The following COL14A1 variants were observed in gnomAD, a reference collection of about 807,000 sequenced individuals.
COL14A1 encodes the protein collagen type XIV alpha 1 chain.
COL14A1 carries 136 observed loss-of-function variants against 230.3 expected under a neutral mutation model. The observed-to-expected ratio is 0.59, with a 90% CI of 0.51 to 0.68. The LOEUF is 0.68. Ranked by LOEUF, COL14A1 falls within the 30% of genes least tolerant of loss-of-function variation. COL14A1 has a pLI of 0.00. For missense variants in COL14A1, 1,976 were observed against 2,215.8 expected (o/e 0.89, Z 2.17); for synonymous variants, 792 against 784.1 (o/e 1.01, Z -0.17).
chr8:120,196,965 G>C lies in COL14A1; in HGVS notation c.592+19G>C, dbSNP rs768936494. Reference sequence around the variant, plus strand: ...CGAATTGGTATAATTTCTATTATTAGCAGTAGCAGTCAGTTGTCAGTGCAA... The same window carrying C: ...CGAATTGGTATAATTTCTATTATTACCAGTAGCAGTCAGTTGTCAGTGCAA... On this transcript the variant is annotated intron_variant, in intron 6 of 47. Transcript: ENST00000297848. 4 of 1,611,552 alleles carry C rather than the reference G, an allele frequency of 2.5e-6. No homozygotes were observed. The East Asian group carries it at 8.9e-5, about 36-fold the overall frequency.
In COL14A1 at chr8:120,278,496, C is replaced by A. The variant is rs370948692; in HGVS notation, c.3399C>A (p.Gly1133=). The A allele has an allele frequency of 2.5e-6, 4 of 1,612,950 alleles. No individual in the cohort carries two copies. Among genetic ancestry groups the A allele is most frequent in the Non-Finnish European group, 3.4e-6 (4 of 1,179,480 alleles). The stretch of plus-strand genomic sequence containing the variant: ...CTGCAGAGTCAGGTACAAGAAGGGG[C>A]ATCCCAAAGGTTATCGTGGTTATAA... ...LFTAESGTRR[G]IPKVIVVITD... Residue 1133 remains glycine (G), a synonymous_variant, in exon 28 of 48, where the codon GGC becomes GGA. Coordinates refer to ENST00000297848, the MANE Select transcript of COL14A1 (RefSeq NM_021110.4).
chr8:120,205,266 C>A lies in COL14A1; in HGVS notation c.1039+1396C>A, dbSNP rs970973732. Among the ~76,000 whole-genome samples the A allele has an allele frequency of 3.3e-5, 5 of 152,130 alleles. 1 individual carries two copies. Among genetic ancestry groups the A allele is most frequent in the Admixed American group, 6.6e-5 (1 of 15,262 alleles). On this transcript the variant is annotated intron_variant, in intron 9 of 47. Transcript: ENST00000297848. The stretch of plus-strand genomic sequence containing the variant: ...GTTGGTGTTTCTAGGTTGCCAGATA[C>A]TTTAGCTCCATGTCTGGGATATATG...
intron 8 of COL14A1, among the ~76,000 whole-genome samples, chr8:120,201,555 G>A (rs72675794): frequency 0.26 from 39,183 of 152,006 alleles, 5,462 homozygotes; most frequent in East Asian, 0.46. Flanking sequence ...TTAACCATAC[G>A]GTAGCTTCAC....
At position 120,209,884 on chromosome 8, in the gene COL14A1, G is replaced by T. The variant is rs1214845927; in HGVS notation, c.1450G>T (p.Ala484Ser). 4 of 1,605,488 alleles carry T rather than the reference G, an allele frequency of 2.5e-6. No homozygotes were observed. The South Asian group carries it at 4.5e-5, about 18-fold the overall frequency. Reference protein sequence around the residue: ...ILYAPLTEGLAGDEKEMKIGE... With the variant: ...ILYAPLTEGLSGDEKEMKIGE... Reference sequence around the variant, plus strand: ...TTATGCTCCTCTAACAGAGGGCCTGGCTGGGGATGAAAAAGAGGTAACCAC... The same window carrying T: ...TTATGCTCCTCTAACAGAGGGCCTGTCTGGGGATGAAAAAGAGGTAACCAC... The change falls in exon 12 of 48, where the codon GCT becomes TCT. Residue 484 changes from alanine (A) to serine (S), a missense_variant. This residue lies in a region of COL14A1 where 1,791 missense variants were observed against 2,019.5 expected (regional missense o/e 0.89). Transcript: ENST00000297848.
chr8:120,330,174 G>A lies in COL14A1; in HGVS notation c.4660-1967G>A, dbSNP rs539653367. On this transcript the variant is annotated intron_variant, in intron 40 of 47. Transcript: ENST00000297848. Reference sequence around the variant, plus strand: ...AGGGTGCAAAACAGCTAAGCAATGTGCCTAGGCAGGAAAGGAAAACCACAA... The same window carrying A: ...AGGGTGCAAAACAGCTAAGCAATGTACCTAGGCAGGAAAGGAAAACCACAA... 8.5e-4 allele frequency among the ~76,000 whole-genome samples: 129 copies of A among 152,278 alleles called. 1 individual carries two copies. The highest frequency in any genetic ancestry group is 2.8e-3 in the African/African-American group (117 of 41,564).
At position 120,196,951 on chromosome 8, in the gene COL14A1, A is replaced by G; in HGVS notation, c.592+5A>G. The G allele has an allele frequency of 1.2e-6, 2 of 1,613,304 alleles. No individual in the cohort carries two copies. On this transcript the variant is annotated splice_donor_5th_base_variant and intron_variant, in intron 6 of 47. Transcript: ENST00000297848. ...GCTCAGAGAAGACACGAATTGGTAT[A>G]ATTTCTATTATTAGCAGTAGCAGTC...
chr8:120,283,614 A>T, intron 31 of COL14A1, 22 bp from the exon 32 acceptor site: 1 of 1,576,156 alleles, frequency 6.3e-7, no homozygotes, highest in Non-Finnish European at 8.6e-7. Flanking sequence ...ACAATGAAAC[A>T]TGGTTTTCTT....
At chr8:120,180,057 A>G (rs1032779326) in intron 5 of COL14A1, among the ~76,000 whole-genome samples, 2 of 152,182 alleles carry the variant, frequency 1.3e-5, no homozygotes. Context: ...AAGATGGGTT[A>G]AAGACTTAAA....
intron 45 of COL14A1, among the ~76,000 whole-genome samples, chr8:120,356,735 A>C (rs1823002017): frequency 6.6e-6 from 1 of 152,106 alleles, no homozygotes; most frequent in East Asian, 1.9e-4. Flanking sequence ...CTCAAAAAAA[A>C]AAAAATCTGC....
At chr8:120,302,555 T>A (rs1371080303) in intron 36 of COL14A1, among the ~76,000 whole-genome samples, 2 of 152,158 alleles carry the variant, frequency 1.3e-5, no homozygotes, top group Non-Finnish European at 2.9e-5. Context: ...GTCATAGGTA[T>A]GTTGTCTTTT....
intron 2 of COL14A1, among the ~76,000 whole-genome samples, chr8:120,154,702 AAG>A (rs1815403758): frequency 6.6e-6 from 1 of 152,130 alleles, no homozygotes; most frequent in African/African-American, 2.4e-5. Context: ...TCTTTTTTAA[AAG>A]ATTAGGATTT....
chr8:120,277,968 C>T (rs1396322524), intron 26 of COL14A1, 143 bp from the exon 27 acceptor site: 2 of 730,220 alleles, frequency 2.7e-6, no homozygotes, highest in Non-Finnish European at 4.1e-6. Context: ...TGGTATGTAA[C>T]TTGTATGAAA....
chr8:120,189,629 C>G (rs192690499), intron 5 of COL14A1, among the ~76,000 whole-genome samples: 173 of 111,242 alleles, frequency 1.6e-3, no homozygotes, highest in African/African-American at 5.7e-3. Flanking sequence ...AGCTATCCCT[C>G]CCCCCTCCCC....
chr8:120,136,842 G>A (rs1368439654), intron 1 of COL14A1, among the ~76,000 whole-genome samples: 7 of 151,610 alleles, frequency 4.6e-5, no homozygotes, highest in African/African-American at 1.7e-4. Context: ...GCATGCGCCT[G>A]TAGTCCCAGC....
rs757062976 is a variant in COL14A1 at position 120,228,694 on chromosome 8, A to C, written c.2138-16A>C. 1 of 1,605,942 alleles carries C rather than the reference A, an allele frequency of 6.2e-7. No individual in the cohort carries two copies. Among genetic ancestry groups the C allele is most frequent in the African/African-American group, 1.3e-5 (1 of 74,860 alleles). On this transcript the variant is annotated splice_polypyrimidine_tract_variant and intron_variant, in intron 17 of 47. Coordinates refer to ENST00000297848, the MANE Select transcript of COL14A1 (RefSeq NM_021110.4). ...AGTTGTTTTTGCAGCATTTTAAAGT[A>C]ATATATTGCTTTTAGTTGACAGTTT... is the stretch of plus-strand genomic sequence containing the variant.
At chr8:120,203,990 A>G in intron 9 of COL14A1, 120 bp downstream of exon 9, 1 of 941,354 alleles carries the variant, frequency 1.1e-6, no homozygotes, top group Non-Finnish European at 1.5e-6. Context: ...TTATTCCCCT[A>G]AGACCTGAGC....
chr8:120,161,538 G>T lies in COL14A1; in HGVS notation c.206-888G>T, dbSNP rs75366077. Among the ~76,000 whole-genome samples the T allele has an allele frequency of 3.0e-3, 450 of 152,298 alleles. 6 individuals carry two copies. The highest frequency in any genetic ancestry group is 0.01 in the African/African-American group (434 of 41,562). On this transcript the variant is annotated intron_variant, in intron 3 of 47. Coordinates refer to ENST00000297848, the MANE Select transcript of COL14A1 (RefSeq NM_021110.4). ...ATGAGTGATTCCTTCAGCATCCTCA[G>T]CCATTTGTGGTCAGATTTAAGATAA...
At chr8:120,263,086 A>C in intron 24 of COL14A1, 72 bp downstream of exon 24, 1 of 1,458,408 alleles carries the variant, frequency 6.9e-7, no homozygotes. Flanking sequence ...CTGTTTCCTT[A>C]TCCCATTTAG....
At chr8:120,133,148 G>T (rs533917154) in intron 1 of COL14A1, among the ~76,000 whole-genome samples, 9 of 151,644 alleles carry the variant, frequency 5.9e-5, no homozygotes, top group African/African-American at 2.2e-4. Context: ...CCCGGGAGGC[G>T]GAGCTTGCAG....
Sources: gnomAD v4.1 joint callset for allele counts (sites outside exome capture counted in the v4.1 genomes callset) on GRCh38, gnomAD v4.1.1 for gene constraint, gnomAD v4.1.1 regional missense constraint, MANE v1.5 for transcripts, NCBI Gene and HGNC (gene_info 2026-07-23, HGNC 2026-07-21) for gene names.